The following RELN variants were observed in gnomAD, a reference collection of about 807,000 sequenced individuals.
RELN encodes reelin.
In RELN, 108 loss-of-function variants were observed where a neutral mutation model predicts 427.6. The observed-to-expected ratio is 0.25, with a 90% confidence interval of 0.22 to 0.30. RELN has a LOEUF of 0.30. Among genes scored for constraint, RELN ranks in the 10% least tolerant of loss-of-function variants. The pLI is 1.00. For missense variants in RELN, 3,715 were observed against 4,302.8 expected (o/e 0.86, Z 3.82); for synonymous variants, 1,524 against 1,513.4 (o/e 1.01, Z -0.16).
intron 46 of RELN, among the ~76,000 whole-genome samples, chr7:103,531,334 AG>A (rs1473862530): frequency 1.3e-5 from 2 of 152,244 alleles, no homozygotes; most frequent in African/African-American, 4.8e-5. Flanking sequence ...ATCTTCTTTC[AG>A]GAAGATCTAA....
chr7:103,597,282 C>A (rs1831559715), intron 24 of RELN, among the ~76,000 whole-genome samples: 1 of 152,100 alleles, frequency 6.6e-6, no homozygotes, highest in Non-Finnish European at 1.5e-5. Context: ...GTAGACCAGG[C>A]AACGTAGAAG....
intron 19 of RELN, among the ~76,000 whole-genome samples, chr7:103,633,900 A>G (rs896288548): frequency 9.2e-5 from 14 of 152,016 alleles, no homozygotes; most frequent in African/African-American, 3.1e-4. Context: ...TTTAGGATTC[A>G]TTTGTCTCTA....
chr7:103,924,839 C>G (rs1795690768), intron 1 of RELN, among the ~76,000 whole-genome samples: 1 of 151,896 alleles, frequency 6.6e-6, no homozygotes, highest in Non-Finnish European at 1.5e-5. Context: ...AAAATTAAGC[C>G]CTTTGGAAGT....
chr7:103,596,380 T>C, intron 25 of RELN, 76 bp downstream of exon 25: 8 of 1,305,268 alleles, frequency 6.1e-6, no homozygotes, highest in Non-Finnish European at 4.4e-6. Flanking sequence ...AGTTAACATT[T>C]TGGAAACACA....
intron 60 of RELN, among the ~76,000 whole-genome samples, chr7:103,488,037 A>C (rs143415936): frequency 0.012 from 1,779 of 152,214 alleles, 43 homozygotes; most frequent in African/African-American, 0.041. Context: ...AATCCCAGCT[A>C]CTCAGGAGGC....
chr7:103,817,231 A>G (rs572408102), intron 3 of RELN, among the ~76,000 whole-genome samples: 1 of 152,288 alleles, frequency 6.6e-6, no homozygotes, highest in African/African-American at 2.4e-5. Flanking sequence ...ACAATATCAC[A>G]ATTTATTCAC....
At chr7:103,808,710 A>G (rs1477583497) in intron 3 of RELN, among the ~76,000 whole-genome samples, 1 of 152,144 alleles carries the variant, frequency 6.6e-6, no homozygotes, top group African/African-American at 2.4e-5. Context: ...GACCAATAGA[A>G]GATTTGGAAA....
At chr7:103,642,291 A>AT (rs1832709321) in intron 16 of RELN, among the ~76,000 whole-genome samples, 3 of 145,782 alleles carry the variant, frequency 2.1e-5, no homozygotes, top group Admixed American at 1.4e-4. Flanking sequence ...GTTTTTCTCT[A>AT]TTTTTTTCTG....
At chr7:103,887,566 G>T (rs1216382554) in intron 2 of RELN, among the ~76,000 whole-genome samples, 2 of 152,112 alleles carry the variant, frequency 1.3e-5, no homozygotes, top group Non-Finnish European at 2.9e-5. Flanking sequence ...AATGAGGTGG[G>T]GGTGTAACAC....
chr7:103,779,908 A>C (rs968247648), intron 3 of RELN, among the ~76,000 whole-genome samples: 2 of 152,138 alleles, frequency 1.3e-5, no homozygotes, highest in Non-Finnish European at 2.9e-5. Context: ...TTGTATTTTT[A>C]GTAGTAACAG....
intron 4 of RELN, among the ~76,000 whole-genome samples, chr7:103,768,467 C>T (rs560491209): frequency 5.3e-5 from 8 of 152,218 alleles, no homozygotes; most frequent in African/African-American, 1.9e-4. Flanking sequence ...TTGTAATATG[C>T]TGGTACATGT....
intron 64 of RELN, among the ~76,000 whole-genome samples, 189 bp downstream of exon 64, chr7:103,478,196 TTGAC>T (rs1460431507): frequency 4.6e-5 from 7 of 152,302 alleles, no homozygotes; most frequent in African/African-American, 1.7e-4. Context: ...TTATCTCAAT[TTGAC>T]TGACTCCGAA....
intron 3 of RELN, among the ~76,000 whole-genome samples, chr7:103,817,937 C>CAAAAAAAAAAAAA (rs71154371): frequency 0.019 from 685 of 35,818 alleles, 2 homozygotes; most frequent in Middle Eastern, 0.059. Context: ...GACTCCATCT[C>CAAAAAAAAAAAAA]AAAAAAAAAA....
At chr7:103,687,729 A>G (rs1833792502) in intron 10 of RELN, among the ~76,000 whole-genome samples, 1 of 150,694 alleles carries the variant, frequency 6.6e-6, no homozygotes, top group Non-Finnish European at 1.5e-5. Context: ...TGTTAACTCA[A>G]TTAGTGATTG....
chr7:103,713,201 T>G (rs1789849210), intron 8 of RELN, among the ~76,000 whole-genome samples: 1 of 152,160 alleles, frequency 6.6e-6, no homozygotes, highest in Non-Finnish European at 1.5e-5. Flanking sequence ...TATTGAGGAT[T>G]CCTGCAGCGC....
chr7:103,590,562 CAATA>C (rs3056325), intron 27 of RELN, among the ~76,000 whole-genome samples: 1,784 of 36,106 alleles, frequency 0.049, 21 homozygotes, highest in Middle Eastern at 0.15. Flanking sequence ...TCCATCTCAA[CAATA>C]AATAAATAAA....
chr7:103,663,137 C>T (rs796080405), intron 11 of RELN, among the ~76,000 whole-genome samples: 13 of 152,240 alleles, frequency 8.5e-5, no homozygotes, highest in African/African-American at 3.1e-4. Context: ...CAGTCTTTCC[C>T]AAACTTCCTG....
In RELN at chr7:103,603,278, T is replaced by G; in HGVS notation, c.3333+26A>C. The G allele has an allele frequency of 6.3e-7, 1 of 1,589,758 alleles. No individual in the cohort carries two copies. Among genetic ancestry groups the G allele is most frequent in the Non-Finnish European group, 8.6e-7 (1 of 1,157,832 alleles). On this transcript the variant is annotated intron_variant, in intron 24 of 64. Coordinates refer to ENST00000428762, the MANE Select transcript of RELN (RefSeq NM_005045.4). This position sits in a 1 kb window ranked among gnomAD's most constrained non-coding sequence, Gnocchi z 4.3. Reference sequence around the variant, plus strand: ...CATATTAAACTAGCCATTGCCCCGATGACTTATCCCAGCTGTTGGTCATAC... The same window carrying G: ...CATATTAAACTAGCCATTGCCCCGAGGACTTATCCCAGCTGTTGGTCATAC...
intron 27 of RELN, among the ~76,000 whole-genome samples, chr7:103,590,565 T>C (rs7805624): frequency 8.8e-5 from 2 of 22,670 alleles, no homozygotes; most frequent in Admixed American, 3.1e-4. Flanking sequence ...ATCTCAACAA[T>C]AAATAAATAA....
Sources: allele counts gnomAD v4.1 joint callset (sites outside exome capture counted in the v4.1 genomes callset), GRCh38; gene constraint gnomAD v4.1.1; non-coding constraint Gnocchi (gnomAD v3.1); transcripts MANE v1.5; gene names NCBI Gene and HGNC (gene_info 2026-07-23, HGNC 2026-07-21).